The following CYP4F12 variants were observed in gnomAD, a reference collection of about 807,000 sequenced individuals.
CYP4F12 encodes the protein cytochrome P450 4F12.
CYP4F12 carries 60 observed loss-of-function variants against 56.5 expected under a neutral mutation model. The observed-to-expected ratio is 1.06, with a 90% CI of 0.86 to 1.32. The LOEUF (loss-of-function observed/expected upper bound fraction) is 1.32, where lower values mean the gene tolerates loss of function less well. Among genes scored for constraint, CYP4F12 ranks in the 40% most tolerant of loss-of-function variants. The probability of loss-of-function intolerance (pLI) is 0.00; values close to 1 mark genes in which losing one functional copy is unlikely to be tolerated. For missense variants in CYP4F12, 711 were observed against 683.5 expected, an observed-to-expected ratio of 1.04 and a Z score of -0.45; for synonymous variants, 263 against 264.9, an observed-to-expected ratio of 0.99 and a Z score of 0.07.
rs769866539 is a variant in CYP4F12, at chr19:15,684,901, G to C, written c.985+19G>C. On this transcript the variant is annotated intron_variant, in intron 8 of 12. Coordinates refer to ENST00000550308, the MANE Select transcript of CYP4F12 (RefSeq NM_023944.4). ...TTTGGAGGTGAGGGTCCCAGTGTGG[G>C]ACTACAGTGGAGACAGAGGTCCCTC... 21 of 1,591,550 alleles carry C rather than the reference G, an allele frequency of 1.3e-5. No homozygotes were observed. Among genetic ancestry groups the C allele is most frequent in the Non-Finnish European group, 1.7e-5 (20 of 1,168,038 alleles).
intron 6 of CYP4F12, 131 bp from the exon 7 acceptor site, chr19:15,683,362 T>C: frequency 2.1e-6 from 2 of 934,080 alleles, no homozygotes; most frequent in Non-Finnish European, 3.2e-6. Flanking sequence ...ACCCACCATG[T>C]ATCTCTAGGA....
intron 3 of CYP4F12, among the ~76,000 whole-genome samples, chr19:15,679,932 G>A (rs746860443): frequency 6.6e-6 from 1 of 152,196 alleles, no homozygotes; most frequent in Non-Finnish European, 1.5e-5. Flanking sequence ...CAGGGTGTCC[G>A]AGGTCCTTTA....
At position 15,682,515 on chromosome 19, in the gene CYP4F12, G is replaced by C. The variant is rs769899802; in HGVS notation, c.647+5G>C. On this transcript the variant is annotated splice_donor_5th_base_variant and intron_variant, in intron 6 of 12. Coordinates refer to ENST00000550308, the MANE Select transcript of CYP4F12 (RefSeq NM_023944.4). The stretch of plus-strand genomic sequence containing the variant: ...CTTTGACAGCCATTGTCAGGAGTGA[G>C]TTCCTTCCTAGGGCCTGGGATATGA... 6.8e-6 allele frequency: 11 copies of C among 1,612,832 alleles called. No homozygotes were observed. Among genetic ancestry groups the C allele is most frequent in the Non-Finnish European group, 7.6e-6 (9 of 1,179,246 alleles).
rs202214519 is a variant in CYP4F12 at position 15,697,064 on chromosome 19, C to G, written c.1554C>G (p.Pro518=). Residue 518 remains proline, a synonymous_variant, in exon 13 of 13, where the codon CCC becomes CCG. Coordinates refer to ENST00000550308, the MANE Select transcript of CYP4F12 (RefSeq NM_023944.4). ...AEGGLWLRVE[P]LNVSLQ ...GCGGGCTTTGGCTGCGGGTGGAGCC[C>G]CTGAATGTAAGCTTGCAGTGACTTT... 5.0e-6 allele frequency: 8 copies of G among 1,613,682 alleles called. No homozygotes were observed. The highest frequency in any genetic ancestry group is 6.8e-6 in the Non-Finnish European group (8 of 1,179,752).
At position 15,680,343 on chromosome 19, in the gene CYP4F12, G is replaced by T. The variant is rs115514058; in HGVS notation, c.397+46G>T. ...GGGGTTGGGGACAACCTTGCGGGGAGGGTAGGGGAAGTGCTGCTCTTGCCC... is the reference window on the plus strand; with the variant it reads ...GGGGTTGGGGACAACCTTGCGGGGATGGTAGGGGAAGTGCTGCTCTTGCCC... On this transcript the variant is annotated intron_variant, in intron 4 of 12. Transcript: ENST00000550308. 7,320 of 1,613,218 alleles carry T rather than the reference G, an allele frequency of 4.5e-3. 41 individuals carry two copies. The African/African-American group carries it at 0.085, about 19-fold the overall frequency.
Position 15,678,570 on chromosome 19 carries a change from A to T in CYP4F12, c.343+165A>T. The T allele has an allele frequency of 3.1e-6, 3 of 974,398 alleles. No homozygotes were observed. The South Asian group carries it at 5.0e-5, about 16-fold the overall frequency. The allele number at this position is 974,398 out of a possible 1,614,324, so 60.4% of individuals were successfully genotyped here. A position where few individuals can be genotyped will look rare whatever the true frequency, so the allele number is the denominator to read the frequency against. On this transcript the variant is annotated intron_variant, in intron 3 of 12. Transcript: ENST00000550308. ...TCCCTGTCTTGGTGTTCTGGGCACC[A>T]CTGGGGCTCCAAGAGGCCTCAATTC...
rs140731978 is a variant in CYP4F12 at position 15,680,393 on chromosome 19, A to G, written c.399A>G (p.Gly133=). Residue 133 remains glycine, a splice_region_variant and synonymous_variant, in exon 5 of 13, where the codon GGA becomes GGG. Transcript: ENST00000550308. ...CACTGTCCTTGGCTGCCCTACTAGGAGAAGGGATACTGCTGAGTGGCGGTG... is the reference window on the plus strand; with the variant it reads ...CACTGTCCTTGGCTGCCCTACTAGGGGAAGGGATACTGCTGAGTGGCGGTG... ...LFIRFLKPWL[G]EGILLSGGDK... The G allele has an allele frequency of 4.4e-3, 7,020 of 1,613,040 alleles. 41 individuals carry two copies. The African/African-American group carries it at 0.083, about 19-fold the overall frequency.
At position 15,697,130 on chromosome 19, in the gene CYP4F12, A is replaced by G. The variant is rs146075525; in HGVS notation, c.*45A>G. 1.6e-5 allele frequency: 25 copies of G among 1,580,956 alleles called. No homozygotes were observed. The East Asian group carries it at 5.4e-4, about 34-fold the overall frequency. ...GTTTTTTTGCAGATTGTCATGAATAAAACGGTGCTGTCACCTCTGCCTGGG... is the reference window on the plus strand; with the variant it reads ...GTTTTTTTGCAGATTGTCATGAATAGAACGGTGCTGTCACCTCTGCCTGGG... On this transcript the variant is annotated 3_prime_UTR_variant, in exon 13 of 13. Coordinates refer to ENST00000550308, the MANE Select transcript of CYP4F12 (RefSeq NM_023944.4).
chr19:15,691,773 G>A (rs113459354), intron 9 of CYP4F12, among the ~76,000 whole-genome samples: 1 of 80,518 alleles, frequency 1.2e-5, no homozygotes, highest in South Asian at 4.8e-4. Context: ...TTTTTATGAA[G>A]TTACATTTGT....
Position 15,697,028 on chromosome 19 carries a change from G to A in CYP4F12, c.1518G>A (p.Met506Ile). 6.2e-7 allele frequency: 1 copy of A among 1,614,222 alleles called. No homozygotes were observed. The change falls in exon 13 of 13, where the codon ATG becomes ATA. Residue 506 changes from methionine (M) to isoleucine (I), a missense_variant. Coordinates refer to ENST00000550308, the MANE Select transcript of CYP4F12 (RefSeq NM_023944.4). The stretch of plus-strand genomic sequence containing the variant: ...CCCGCAGGAAGCTGGAATTGATCAT[G>A]CGCGCCGAGGGCGGGCTTTGGCTGC... ...TEPRRKLELI[M>I]RAEGGLWLRV...
At position 15,696,086 on chromosome 19, in the gene CYP4F12, G is replaced by C; in HGVS notation, c.1249+17G>C. The C allele has an allele frequency of 6.2e-7, 1 of 1,611,846 alleles. No individual in the cohort carries two copies. The highest frequency in any genetic ancestry group is 8.5e-7 in the Non-Finnish European group (1 of 1,178,676). ...TCCCCAAAGGTGCCCACAGCCTCAG[G>C]GGGAGAAGCCTCCCGGGTAGGAAGA... On this transcript the variant is annotated intron_variant, in intron 10 of 12. Coordinates refer to ENST00000550308, the MANE Select transcript of CYP4F12 (RefSeq NM_023944.4).
intron 2 of CYP4F12, among the ~76,000 whole-genome samples, chr19:15,677,092 C>T (rs1473364789): frequency 1.4e-5 from 2 of 139,310 alleles, no homozygotes; most frequent in African/African-American, 2.6e-5. Context: ...CATTCCTCTC[C>T]TCACTCACTC....
At chr19:15,677,933 TACTCACTCATTCCTCTCCTC>T (rs1568415031) in intron 2 of CYP4F12, among the ~76,000 whole-genome samples, 21 of 1,052 alleles carry the variant, frequency 0.02, 4 homozygotes, top group African/African-American at 0.051. Context: ...TTCCTCTCCT[TACTCACTCATTCCTCTCCTC>T]ACTCACTCAT....
At chr19:15,678,012 TCACTCACTCCTTCCTCTCCA>T (rs1366589754) in intron 2 of CYP4F12, among the ~76,000 whole-genome samples, 13 of 138,358 alleles carry the variant, frequency 9.4e-5, no homozygotes, top group African/African-American at 3.5e-4. Context: ...ATTCCTCTCC[TCACTCACTCCTTCCTCTCCA>T]CACTCACTCA....
chr19:15,692,363 GT>G (rs1379341216), intron 9 of CYP4F12, among the ~76,000 whole-genome samples: 2 of 151,974 alleles, frequency 1.3e-5, no homozygotes, highest in African/African-American at 4.8e-5. Context: ...GAGATTTCAT[GT>G]TTCTTTTTAA....
At chr19:15,691,149 T>C (rs1366441290) in intron 9 of CYP4F12, among the ~76,000 whole-genome samples, 2 of 152,250 alleles carry the variant, frequency 1.3e-5, no homozygotes, top group Non-Finnish European at 2.9e-5. Context: ...ATTTAGCTTC[T>C]GGTCTGCATT....
At chr19:15,694,970 A>T (rs12104395) in intron 9 of CYP4F12, among the ~76,000 whole-genome samples, 42,887 of 151,846 alleles carry the variant, frequency 0.28, 6,571 homozygotes, top group African/African-American at 0.4. Flanking sequence ...TAGAACTAGA[A>T]ATACCATTTG....
chr19:15,673,694 A>C lies in CYP4F12; in HGVS notation c.165A>C (p.Pro55=), dbSNP rs776296682. The part of the protein sequence containing the change: ...CRRLQCFPQP[P]KRNWFWGHLG... ...GGCTCCAGTGTTTCCCACAGCCCCCAAAACGGAACTGGTTTTGGGGTCACC... is the reference window on the plus strand; with the variant it reads ...GGCTCCAGTGTTTCCCACAGCCCCCCAAACGGAACTGGTTTTGGGGTCACC... The change falls in exon 2 of 13, where the codon CCA becomes CCC. Residue 55 remains proline, a synonymous_variant. Transcript: ENST00000550308. 2 of 1,614,048 alleles carry C rather than the reference A, an allele frequency of 1.2e-6. No individual in the cohort carries two copies. Among genetic ancestry groups the C allele is most frequent in the East Asian group, 2.2e-5 (1 of 44,870 alleles).
At chr19:15,675,875 A>G (rs1181662352) in intron 2 of CYP4F12, among the ~76,000 whole-genome samples, 1 of 152,206 alleles carries the variant, frequency 6.6e-6, no homozygotes, top group Non-Finnish European at 1.5e-5. Flanking sequence ...GTTTCTTCTT[A>G]TCTCTAATGC....
Sources: allele counts gnomAD v4.1 joint callset (sites outside exome capture counted in the v4.1 genomes callset), GRCh38; gene constraint gnomAD v4.1.1; transcripts MANE v1.5; gene names NCBI Gene and HGNC (gene_info 2026-07-23, HGNC 2026-07-21).